The following PXDNL variants were observed in gnomAD, a reference collection of about 807,000 sequenced individuals.
PXDNL encodes the protein peroxidasin like, also known as probable oxidoreductase PXDNL.
A neutral mutation model predicts 150.8 loss-of-function variants in PXDNL; 145 were observed. That is an observed-to-expected ratio of 0.96 (90% CI 0.84 to 1.10). PXDNL has a LOEUF of 1.10. Among genes scored for constraint, PXDNL ranks in the 50% least tolerant of loss-of-function variants. The probability of loss-of-function intolerance (pLI) is 0.00; values close to 1 mark genes in which losing one functional copy is unlikely to be tolerated. For synonymous variants in PXDNL, 757 were observed against 725.7 expected (o/e 1.04, Z -0.69); for missense variants, 2,087 against 1,873.9 (o/e 1.11, Z -2.10).
chr8:51,608,559 C>T (rs186949942), intron 2 of PXDNL, among the ~76,000 whole-genome samples: 6 of 148,166 alleles, frequency 4.0e-5, no homozygotes, highest in East Asian at 2.0e-4. Context: ...TATTGCAGGC[C>T]GGGCGCGGTG....
intron 19 of PXDNL, among the ~76,000 whole-genome samples, chr8:51,346,438 G>T (rs550101307): frequency 6.6e-6 from 1 of 152,160 alleles, no homozygotes. Context: ...GGTTAAAATT[G>T]TAAGTTTTAT....
chr8:51,675,004 G>C (rs1815582109), intron 1 of PXDNL, among the ~76,000 whole-genome samples: 1 of 152,086 alleles, frequency 6.6e-6, no homozygotes, highest in Non-Finnish European at 1.5e-5. Context: ...TGAGTCCTTG[G>C]GAAACTGAGA....
intron 1 of PXDNL, among the ~76,000 whole-genome samples, chr8:51,680,296 G>A (rs1290996929): frequency 6.6e-6 from 1 of 152,140 alleles, no homozygotes; most frequent in Non-Finnish European, 1.5e-5. Context: ...AAATAGAGTT[G>A]TCGTCTTCAA....
At chr8:51,673,510 A>G (rs1203444206) in intron 1 of PXDNL, among the ~76,000 whole-genome samples, 1 of 152,230 alleles carries the variant, frequency 6.6e-6, no homozygotes, top group Admixed American at 6.5e-5. Context: ...CAGAAGCTGT[A>G]GAGAGACAGA....
In PXDNL at chr8:51,411,395, G is replaced by A; in HGVS notation, c.1917C>T (p.Thr639=). The change falls in exon 16 of 23, where the codon ACC becomes ACT. Residue 639 remains threonine (T), a synonymous_variant. Transcript: ENST00000356297. ...RRHLFSQKPH[T]SSDLLAQFHY... is the part of the protein sequence containing the mutation. ...GAAATTGAGCCAGCAGGTCACTGGA[G>A]GTGTGAGGTTTTCTGCAAATGACAA... is the stretch of plus-strand genomic sequence containing the variant. 1.9e-6 allele frequency: 3 copies of A among 1,570,860 alleles called. No individual in the cohort carries two copies. Among genetic ancestry groups the A allele is most frequent in the Non-Finnish European group, 2.6e-6 (3 of 1,164,980 alleles).
chr8:51,442,954 T>C (rs74824712), intron 12 of PXDNL, among the ~76,000 whole-genome samples: 2 of 152,278 alleles, frequency 1.3e-5, no homozygotes, highest in East Asian at 3.9e-4. Flanking sequence ...AAAGGAATGA[T>C]AGTTCCTCCT....
rs1181243497 is a variant in PXDNL at position 51,409,318 on chromosome 8, A to G, written c.2306T>C (p.Leu769Pro). The G allele has an allele frequency of 2.8e-6, 4 of 1,422,322 alleles. No homozygotes were observed. Among genetic ancestry groups the G allele is most frequent in the Non-Finnish European group, 3.7e-6 (4 of 1,094,914 alleles). 88.1% of individuals were successfully genotyped at this position (1,422,322 alleles called of 1,614,324 possible). The part of the protein sequence containing the change: ...DGIRAPRGLG[L>P]PVGSRQPLPP... ...GAGGGGCTGGCGGGAGCCCACAGGAAGGCCGAGCCCGCGGGGCGCGCGGAT... is the reference window on the plus strand; with the variant it reads ...GAGGGGCTGGCGGGAGCCCACAGGAGGGCCGAGCCCGCGGGGCGCGCGGAT... Residue 769 changes from leucine to proline, a missense_variant, in exon 17 of 23, where the codon CTT (leucine) becomes CCT (proline). Coordinates refer to ENST00000356297, the MANE Select transcript of PXDNL (RefSeq NM_144651.5).
At position 51,447,025 on chromosome 8, in the gene PXDNL, G is replaced by A. The variant is rs773499919; in HGVS notation, c.1504C>T (p.Gln502Ter). The change falls in exon 12 of 23, where the codon CAG becomes TAG. Residue 502 changes from glutamine to a stop codon, truncating the protein, a stop_gained. Transcript: ENST00000356297. LOFTEE classifies it high-confidence loss of function. ...SSLGVKKVSVQLTVKPKALAV... is the reference protein window; with the variant it reads ...SSLGVKKVSV ...TTACCTTTGGGTTTTACAGTCAGCT[G>A]CACAGACACCTTTTTCACCCCCAAC... The A allele has an allele frequency of 1.2e-6, 2 of 1,613,890 alleles. No homozygotes were observed. The highest frequency in any genetic ancestry group is 2.2e-5 in the South Asian group (2 of 91,074).
At chr8:51,404,282 C>A (rs1808370164) in intron 17 of PXDNL, among the ~76,000 whole-genome samples, 1 of 152,240 alleles carries the variant, frequency 6.6e-6, no homozygotes, top group Non-Finnish European at 1.5e-5. Context: ...TGCTTTTATT[C>A]CCTTATCTGG....
intron 1 of PXDNL, among the ~76,000 whole-genome samples, chr8:51,718,945 G>A (rs999198208): frequency 4.0e-5 from 6 of 151,686 alleles, no homozygotes; most frequent in Non-Finnish European, 5.9e-5. Context: ...GGAGGGAGGC[G>A]GGGGGCAGCC....
intron 4 of PXDNL, among the ~76,000 whole-genome samples, chr8:51,512,600 T>C (rs1304686546): frequency 6.6e-6 from 1 of 152,188 alleles, no homozygotes; most frequent in Non-Finnish European, 1.5e-5. Context: ...AGCACTGAGA[T>C]AAAATGCAGA....
intron 2 of PXDNL, among the ~76,000 whole-genome samples, chr8:51,624,176 G>A (rs1436999988): frequency 2.0e-5 from 3 of 148,398 alleles, no homozygotes; most frequent in South Asian, 2.2e-4. Context: ...ATCTGCCCCC[G>A]GAGCATAAAG....
In PXDNL at chr8:51,722,332, G is replaced by A. The variant is rs539202314; in HGVS notation, c.165-67572C>T. Among the ~76,000 whole-genome samples, 4 of 152,310 alleles carry A rather than the reference G, an allele frequency of 2.6e-5. No homozygotes were observed. In the South Asian group the frequency reaches 8.3e-4, roughly 32 times the overall value. On this transcript the variant is annotated intron_variant, in intron 1 of 22. Transcript: ENST00000356297. ...ACAGACGAGCAGGTGCAGGAGCCAG[G>A]GCCAGAGCTCCTGGGCTCTGACCCC...
intron 1 of PXDNL, among the ~76,000 whole-genome samples, chr8:51,710,778 G>T (rs1021024747): frequency 1.2e-4 from 19 of 152,054 alleles, no homozygotes; most frequent in African/African-American, 4.3e-4. Flanking sequence ...AAAACCATAT[G>T]GTCATACCAA....
intron 1 of PXDNL, among the ~76,000 whole-genome samples, chr8:51,716,912 C>A (rs1052285425): frequency 6.6e-6 from 1 of 152,158 alleles, no homozygotes; most frequent in African/African-American, 2.4e-5. Flanking sequence ...AATCCAAGAA[C>A]TCTTTTTTTG....
chr8:51,609,401 G>A (rs1563482495), intron 2 of PXDNL, among the ~76,000 whole-genome samples: 2 of 152,178 alleles, frequency 1.3e-5, no homozygotes, highest in Non-Finnish European at 2.9e-5. Context: ...GACACATCAG[G>A]AAGTGTCCTC....
At position 51,675,885 on chromosome 8, in the gene PXDNL, G is replaced by C. The variant is rs188246597; in HGVS notation, c.165-21125C>G. On this transcript the variant is annotated intron_variant, in intron 1 of 22. Coordinates refer to ENST00000356297, the MANE Select transcript of PXDNL (RefSeq NM_144651.5). ...CCTTCGATGATTTTCCTGCTGCAAC[G>C]GAGCTCCACTTCAGTCAATATAGAA... Among the ~76,000 whole-genome samples the C allele has an allele frequency of 2.8e-3, 421 of 151,746 alleles. 1 individual carries two copies. Among genetic ancestry groups the C allele is most frequent in the Non-Finnish European group, 5.0e-3 (341 of 67,960 alleles).
intron 21 of PXDNL, among the ~76,000 whole-genome samples, chr8:51,337,878 A>C (rs556102676): frequency 1.3e-5 from 2 of 149,718 alleles, no homozygotes; most frequent in East Asian, 3.9e-4. Context: ...ATCTCAAAAA[A>C]AAAAAAAGCA....
At chr8:51,599,657 TTA>T (rs541507602) in intron 2 of PXDNL, among the ~76,000 whole-genome samples, 1 of 143,028 alleles carries the variant, frequency 7.0e-6, no homozygotes, top group African/African-American at 2.7e-5. Context: ...ATATAATAAA[TTA>T]TATCTTATAT....
Sources: gnomAD v4.1 joint callset for allele counts (sites outside exome capture counted in the v4.1 genomes callset) on GRCh38, gnomAD v4.1.1 for gene constraint, MANE v1.5 for transcripts, NCBI Gene and HGNC (gene_info 2026-07-23, HGNC 2026-07-21) for gene names.